Variants in SLC9C1 observed in about 807,000 individuals in gnomAD.
The protein encoded by SLC9C1 is solute carrier family 9 member C1, also known as sodium/hydrogen exchanger 10.
SLC9C1 carries 97 observed loss-of-function variants against 140.9 expected under a neutral mutation model. That is an observed-to-expected ratio of 0.69 (90% CI 0.58 to 0.82). The LOEUF is 0.82. Ranked by LOEUF, SLC9C1 falls within the 40% of genes least tolerant of loss-of-function variation. The pLI is 0.00. For synonymous variants in SLC9C1, 440 were observed against 442.6 expected, an observed-to-expected ratio of 0.99 and a Z score of 0.07; for missense variants, 1,340 against 1,389.3, an observed-to-expected ratio of 0.96 and a Z score of 0.56.
intron 16 of SLC9C1, among the ~76,000 whole-genome samples, chr3:112,207,222 T>C (rs541738924): frequency 6.6e-6 from 1 of 152,212 alleles, no homozygotes; most frequent in Non-Finnish European, 1.5e-5. Context: ...ATTTCAAAGA[T>C]GATTGTAGAT....
chr3:112,165,860 C>G (rs527540419), intron 26 of SLC9C1, among the ~76,000 whole-genome samples: 1 of 152,190 alleles, frequency 6.6e-6, no homozygotes, highest in Non-Finnish European at 1.5e-5. Context: ...AATGTCCTGC[C>G]CCCAGAGGTG....
intron 12 of SLC9C1, among the ~76,000 whole-genome samples, chr3:112,233,349 G>C (rs1270483948): frequency 6.6e-6 from 1 of 152,110 alleles, no homozygotes; most frequent in Non-Finnish European, 1.5e-5. Flanking sequence ...TTACAGGCAT[G>C]AGCCACTGTG....
intron 28 of SLC9C1, among the ~76,000 whole-genome samples, chr3:112,141,875 T>C (rs114616935): frequency 0.024 from 3,635 of 152,278 alleles, 60 homozygotes; most frequent in South Asian, 0.074. Context: ...GAAAGATGTA[T>C]ATATATTGTA....
chr3:112,155,169 T>C (rs2075094878), intron 26 of SLC9C1, 120 bp from the exon 27 acceptor site: 1 of 740,106 alleles, frequency 1.4e-6, no homozygotes, highest in South Asian at 2.8e-5. Flanking sequence ...GATCTGAAAT[T>C]GGTGGTAATC....
chr3:112,163,112 G>A (rs1315584903), intron 26 of SLC9C1, among the ~76,000 whole-genome samples: 5 of 127,928 alleles, frequency 3.9e-5, no homozygotes, highest in African/African-American at 1.5e-4. Context: ...GGGATCGGTG[G>A]TGATATCCCC....
At chr3:112,148,683 GCA>G (rs2074873411) in intron 28 of SLC9C1, among the ~76,000 whole-genome samples, 1 of 152,152 alleles carries the variant, frequency 6.6e-6, no homozygotes, top group Non-Finnish European at 1.5e-5. Context: ...GTGTTTACTG[GCA>G]GAAACTATTG....
chr3:112,286,770 A>T lies in SLC9C1; in HGVS notation c.22T>A (p.Phe8Ile). Reference sequence around the variant, plus strand: ...GGGAGGTCCTCAGTACTGAAAAAAAACTCCTTAAATATTCCAGCCATGTTT... The same window carrying T: ...GGGAGGTCCTCAGTACTGAAAAAAATCTCCTTAAATATTCCAGCCATGTTT... MAGIFKE[F>I]FFSTEDLPEV... Residue 8 changes from phenylalanine to isoleucine, a missense_variant, in exon 2 of 29, where the codon TTT becomes ATT. By Grantham distance (21) the Phe-to-Ile change is conservative (BLOSUM62 0). Coordinates refer to ENST00000305815, the MANE Select transcript of SLC9C1 (RefSeq NM_183061.3). The T allele has an allele frequency of 6.2e-7, 1 of 1,612,180 alleles. No individual in the cohort carries two copies. The highest frequency in any genetic ancestry group is 8.5e-7 in the Non-Finnish European group (1 of 1,179,302).
At chr3:112,210,071 T>C (rs1254678546) in intron 15 of SLC9C1, among the ~76,000 whole-genome samples, 1 of 152,236 alleles carries the variant, frequency 6.6e-6, no homozygotes. Context: ...CTTCCTGATA[T>C]CAAAATTGTA....
chr3:112,145,004 TC>T (rs1368278277), intron 28 of SLC9C1, among the ~76,000 whole-genome samples: 4 of 152,220 alleles, frequency 2.6e-5, no homozygotes, highest in Admixed American at 6.5e-5. Flanking sequence ...GGAGTGGACA[TC>T]CTTTTCTTGT....
chr3:112,203,380 T>C (rs9810170), intron 17 of SLC9C1, among the ~76,000 whole-genome samples: 115,215 of 151,900 alleles, frequency 0.76, 44,079 homozygotes, highest in East Asian at 0.99. Flanking sequence ...AGGTAAATTG[T>C]ACTCTAGCAC....
chr3:112,205,700 A>G (rs1395321692), intron 16 of SLC9C1, among the ~76,000 whole-genome samples: 3 of 126,816 alleles, frequency 2.4e-5, no homozygotes, highest in African/African-American at 2.9e-5. Flanking sequence ...ATAATGCTGC[A>G]TATCTACAAC....
At chr3:112,175,308 TG>T (rs573074483) in intron 23 of SLC9C1, among the ~76,000 whole-genome samples, 112 of 152,256 alleles carry the variant, frequency 7.4e-4, no homozygotes, top group African/African-American at 2.6e-3. Context: ...GATGGTGGCC[TG>T]CCTCTCCCTC....
intron 8 of SLC9C1, 57 bp from the exon 9 acceptor site, chr3:112,264,400 T>C: frequency 9.5e-7 from 1 of 1,053,274 alleles, no homozygotes; most frequent in Non-Finnish European, 1.3e-6. Context: ...GACATCTTTA[T>C]TACAAGGTTT....
chr3:112,185,485 C>T, intron 20 of SLC9C1: 1 of 1,610,716 alleles, frequency 6.2e-7, no homozygotes, highest in Non-Finnish European at 8.5e-7. Context: ...CAGAGTTACA[C>T]CTGGCTGATG....
At chr3:112,286,983 T>C (rs1484972123) in intron 1 of SLC9C1, 105 bp from the exon 2 acceptor site, 2 of 462,046 alleles carry the variant, frequency 4.3e-6, no homozygotes, top group Non-Finnish European at 7.6e-6. Context: ...TCTCGTGGTC[T>C]GCCAAATTTA....
intron 23 of SLC9C1, among the ~76,000 whole-genome samples, chr3:112,178,850 C>T (rs1030150648): frequency 2.0e-5 from 3 of 152,054 alleles, no homozygotes; most frequent in South Asian, 2.1e-4. Flanking sequence ...TCTCATTCTG[C>T]GTTCATTAGC....
At chr3:112,185,984 G>C in intron 20 of SLC9C1, 5 of 1,552,676 alleles carry the variant, frequency 3.2e-6, no homozygotes, top group Non-Finnish European at 4.3e-6. Flanking sequence ...TGCCGGCTGG[G>C]ACCCAGGCCC....
chr3:112,264,625 T>C (rs4568108), intron 8 of SLC9C1, among the ~76,000 whole-genome samples: 89,711 of 151,586 alleles, frequency 0.59, 27,057 homozygotes, highest in East Asian at 0.79. Context: ...TGCAGAATCG[T>C]GAGAATTTAG....
At chr3:112,214,010 C>A (rs369357343) in intron 15 of SLC9C1, among the ~76,000 whole-genome samples, 1 of 152,210 alleles carries the variant, frequency 6.6e-6, no homozygotes, top group Admixed American at 6.5e-5. Flanking sequence ...CAAACTGTCT[C>A]TCAGACCACA....
Sources: gnomAD v4.1 joint callset for allele counts (sites outside exome capture counted in the v4.1 genomes callset) on GRCh38, gnomAD v4.1.1 for gene constraint, MANE v1.5 for transcripts, NCBI Gene and HGNC (gene_info 2026-07-23, HGNC 2026-07-21) for gene names.